The following NUP210L variants were observed in gnomAD, a reference collection of about 807,000 sequenced individuals.
NUP210L encodes the protein nuclear pore membrane glycoprotein 210-like.
A neutral mutation model predicts 208.5 loss-of-function variants in NUP210L; 74 were observed. That is an observed-to-expected ratio of 0.35 (90% CI 0.29 to 0.43). NUP210L has a LOEUF of 0.43. NUP210L is among the 20% of genes least tolerant of loss of function. The pLI is 1.00. For synonymous variants in NUP210L, 780 were observed against 816.9 expected, an observed-to-expected ratio of 0.95 and a Z score of 0.77; for missense variants, 1,843 against 2,289.4, an observed-to-expected ratio of 0.81 and a Z score of 3.98.
At chr1:154,028,276 C>T (rs2147939208) in intron 28 of NUP210L, among the ~76,000 whole-genome samples, 1 of 152,270 alleles carries the variant, frequency 6.6e-6, no homozygotes, top group South Asian at 2.1e-4. Flanking sequence ...TTTATCCTAA[C>T]TGTGAATATA....
chr1:154,130,715 A>C (rs1371849500), intron 7 of NUP210L, among the ~76,000 whole-genome samples: 1 of 150,948 alleles, frequency 6.6e-6, no homozygotes, highest in East Asian at 2.0e-4. Flanking sequence ...CCTCTGAGTA[A>C]CTGGGACTAT....
At chr1:154,062,292 A>AT (rs545142726) in intron 17 of NUP210L, among the ~76,000 whole-genome samples, 4 of 152,190 alleles carry the variant, frequency 2.6e-5, no homozygotes, top group Non-Finnish European at 4.4e-5. Flanking sequence ...GACAAGTGTA[A>AT]TTTTTTGTCC....
At position 154,033,316 on chromosome 1, in the gene NUP210L, T is replaced by G. The variant is rs141928480; in HGVS notation, c.3697-3262A>C. Reference sequence around the variant, plus strand: ...TTTGTGGGGTATTACTCAAGAAATCTTTGCCCAGTCCAGTGTTCTGGAGAG... The same window carrying G: ...TTTGTGGGGTATTACTCAAGAAATCGTTGCCCAGTCCAGTGTTCTGGAGAG... On this transcript the variant is annotated intron_variant, in intron 27 of 39. Transcript: ENST00000368559. Among the ~76,000 whole-genome samples the G allele has an allele frequency of 7.4e-3, 1,128 of 152,296 alleles. 10 individuals are homozygous for G. The highest frequency in any genetic ancestry group is 0.025 in the African/African-American group (1,050 of 41,564).
chr1:154,152,090 C>CAAAAAAAAA (rs745735321), intron 2 of NUP210L, among the ~76,000 whole-genome samples: 1 of 103,910 alleles, frequency 9.6e-6, no homozygotes, highest in East Asian at 2.7e-4. Flanking sequence ...AACTCCGTCT[C>CAAAAAAAAA]AAAAAAAAAA....
chr1:154,107,933 G>A (rs1307271028), intron 12 of NUP210L, among the ~76,000 whole-genome samples: 1 of 151,870 alleles, frequency 6.6e-6, no homozygotes, highest in Non-Finnish European at 1.5e-5. Flanking sequence ...AAAGAATGAA[G>A]TTCTAGAAAA....
At chr1:154,095,456 C>T (rs1269483601) in intron 14 of NUP210L, among the ~76,000 whole-genome samples, 2 of 152,154 alleles carry the variant, frequency 1.3e-5, no homozygotes, top group Non-Finnish European at 2.9e-5. Context: ...CATTTGTACC[C>T]TGTTCATTTC....
chr1:154,113,131 G>A lies in NUP210L; in HGVS notation c.1620+4594C>T, dbSNP rs1313808761. ...GAGAGTGTACCACTGCACTCCAGCC[G>A]GGGTGATGGGAGAGAAACCCTCTCT... On this transcript the variant is annotated intron_variant, in intron 12 of 39. Coordinates refer to ENST00000368559, the Ensembl canonical transcript of NUP210L. Among the ~76,000 whole-genome samples the A allele has an allele frequency of 4.8e-5, 7 of 145,592 alleles. No homozygotes were observed. The South Asian group carries it at 8.9e-4, about 19-fold the overall frequency.
intron 20 of NUP210L, among the ~76,000 whole-genome samples, chr1:154,059,679 C>T (rs1654039736): frequency 6.6e-6 from 1 of 152,240 alleles, no homozygotes; most frequent in South Asian, 2.1e-4. Context: ...CCAACTAACA[C>T]TGTTTTTTCT....
In NUP210L at chr1:154,032,569, T is replaced by C. The variant is rs372727063; in HGVS notation, c.3697-2515A>G. On this transcript the variant is annotated intron_variant, in intron 27 of 39. Coordinates refer to ENST00000368559, the Ensembl canonical transcript of NUP210L. ...AGGCTGGAGTGCAGTGGTGTGATCT[T>C]GGCTCACTGCAACCTCTGCCTCCCA... Among the ~76,000 whole-genome samples the C allele has an allele frequency of 2.6e-5, 4 of 151,374 alleles. No individual in the cohort carries two copies. The South Asian group carries it at 8.5e-4, about 32-fold the overall frequency.
chr1:154,014,175 T>A (rs1163519642), intron 33 of NUP210L, among the ~76,000 whole-genome samples: 2 of 152,206 alleles, frequency 1.3e-5, no homozygotes, highest in Non-Finnish European at 2.9e-5. Flanking sequence ...AATGGCTTAA[T>A]AAAGAAAGGA....
intron 17 of NUP210L, among the ~76,000 whole-genome samples, chr1:154,063,836 A>G (rs890584763): frequency 6.6e-6 from 1 of 152,022 alleles, no homozygotes; most frequent in Non-Finnish European, 1.5e-5. Context: ...ATTGTGAAGA[A>G]GAATCATCTT....
At chr1:154,072,526 G>T (rs1376888354) in intron 16 of NUP210L, among the ~76,000 whole-genome samples, 2 of 151,508 alleles carry the variant, frequency 1.3e-5, no homozygotes, top group Non-Finnish European at 2.9e-5. Context: ...TAGAGATGGG[G>T]TTTCACCGTG....
chr1:154,035,760 G>A (rs974265294), intron 27 of NUP210L, among the ~76,000 whole-genome samples: 2 of 146,918 alleles, frequency 1.4e-5, no homozygotes, highest in African/African-American at 5.1e-5. Flanking sequence ...GGGGGATGGA[G>A]TCTTACTTTG....
intron 16 of NUP210L, among the ~76,000 whole-genome samples, chr1:154,071,051 A>AT (rs920741852): frequency 6.7e-6 from 1 of 148,660 alleles, no homozygotes; most frequent in Non-Finnish European, 1.5e-5. Flanking sequence ...ATGATATTGA[A>AT]TTTTTTGTAA....
chr1:154,134,564 C>A (rs1305750069), intron 7 of NUP210L, among the ~76,000 whole-genome samples: 2 of 149,960 alleles, frequency 1.3e-5, no homozygotes, highest in Admixed American at 1.3e-4. Context: ...AGTGAAACCC[C>A]GTCTCTACTA....
intron 16 of NUP210L, among the ~76,000 whole-genome samples, chr1:154,086,791 G>C (rs946368003): frequency 6.6e-6 from 1 of 151,816 alleles, no homozygotes; most frequent in Non-Finnish European, 1.5e-5. Context: ...ACTGCAGCTT[G>C]AGTGAAAAGT....
intron 20 of NUP210L, among the ~76,000 whole-genome samples, chr1:154,059,927 C>T (rs1654050394): frequency 6.6e-6 from 1 of 152,106 alleles, no homozygotes; most frequent in Non-Finnish European, 1.5e-5. Context: ...GTTGTCATGT[C>T]CTGGCTGAAA....
At chr1:154,152,832 A>G in exon 2 of NUP210L, 4 of 1,614,082 alleles carry the variant, frequency 2.5e-6, no homozygotes, top group Non-Finnish European at 2.5e-6. Context: ...CCATTTTCAT[A>G]TAAAGGCTCA....
intron 35 of NUP210L, among the ~76,000 whole-genome samples, chr1:154,003,407 C>G (rs1650329769): frequency 6.6e-6 from 1 of 151,168 alleles, no homozygotes; most frequent in Admixed American, 6.6e-5. Flanking sequence ...GAGGTTTTAC[C>G]TTGTTAGCCA....
Sources: gnomAD v4.1 joint callset for allele counts (sites outside exome capture counted in the v4.1 genomes callset) on GRCh38, gnomAD v4.1.1 for gene constraint, MANE v1.5 for transcripts, NCBI Gene and HGNC (gene_info 2026-07-23, HGNC 2026-07-21) for gene names.